PKNOX1: variants seen among roughly 807,000 people sequenced by gnomAD.
The protein encoded by PKNOX1 is PBX/knotted 1 homeobox 1.
PKNOX1 carries 15 observed loss-of-function variants against 51.9 expected under a neutral mutation model. That is an observed-to-expected ratio of 0.29 (90% confidence interval 0.19 to 0.45). The LOEUF is 0.45. PKNOX1 is among the 20% of genes least tolerant of loss of function. The pLI is 1.00. For synonymous variants in PKNOX1, 219 were observed against 211.1 expected (o/e 1.04, Z -0.32); for missense variants, 462 against 547.5 (o/e 0.84, Z 1.56).
chr21:43,004,503 A>G, intron 2 of PKNOX1, 71 bp downstream of exon 2: 1 of 986,030 alleles, frequency 1.0e-6, no homozygotes, highest in Non-Finnish European at 1.6e-6. Context: ...ATTGCTTTGT[A>G]TACTTGCAAT....
chr21:42,996,756 T>C (rs1272381485), intron 1 of PKNOX1, among the ~76,000 whole-genome samples: 2 of 152,136 alleles, frequency 1.3e-5, no homozygotes, highest in South Asian at 2.1e-4. Flanking sequence ...GTTGTAGAGA[T>C]GGGGTCTCGT....
chr21:42,978,528 G>T (rs1279278227), intron 1 of PKNOX1, among the ~76,000 whole-genome samples: 2 of 143,944 alleles, frequency 1.4e-5, no homozygotes, highest in African/African-American at 5.2e-5. Flanking sequence ...CTGTCGCCCA[G>T]GCTAGAGTGC....
Position 43,032,399 on chromosome 21 carries a change from A to C in PKNOX1, c.*2298A>C. ...ATTCACAGAATGTAGACTCATGTAT[A>C]GGTCACCGTTTCTTTCCCCCACTAG... On this transcript the variant is annotated 3_prime_UTR_variant, in exon 11 of 11. Transcript: ENST00000291547. The C allele has an allele frequency of 3.4e-6, 1 of 298,082 alleles. No individual in the cohort carries two copies. The highest frequency in any genetic ancestry group is 6.8e-6 in the Non-Finnish European group (1 of 146,062). 18.5% of individuals were successfully genotyped at this position (298,082 alleles called of 1,614,324 possible).
chr21:42,984,834 GA>G (rs1420429482), intron 1 of PKNOX1, among the ~76,000 whole-genome samples: 1 of 152,180 alleles, frequency 6.6e-6, no homozygotes, highest in Non-Finnish European at 1.5e-5. Context: ...GGAGAGTAGA[GA>G]GGGGTGGCTG....
At chr21:43,015,640 T>G (rs559075937) in intron 5 of PKNOX1, among the ~76,000 whole-genome samples, 70 of 152,338 alleles carry the variant, frequency 4.6e-4, no homozygotes, top group African/African-American at 1.7e-3. Context: ...CTGGAGATTA[T>G]GTAGACTTGG....
chr21:42,991,660 G>A (rs534798114), intron 1 of PKNOX1, among the ~76,000 whole-genome samples: 38 of 152,078 alleles, frequency 2.5e-4, no homozygotes, highest in Admixed American at 2.2e-3. Context: ...CCCCAGAGGC[G>A]GAGGCGGAGC....
At chr21:42,983,651 G>C (rs1238964575) in intron 1 of PKNOX1, among the ~76,000 whole-genome samples, 3 of 152,106 alleles carry the variant, frequency 2.0e-5, no homozygotes, top group Non-Finnish European at 4.4e-5. Context: ...TATAGATCTA[G>C]AAGTGGGATT....
Position 43,030,262 on chromosome 21 carries a change from TGTGTGTGTG to T in PKNOX1, c.*162_*170del. The T allele has an allele frequency of 4.0e-4, 1 of 2,476 alleles. No homozygotes were observed. Among genetic ancestry groups the T allele is most frequent in the Non-Finnish European group, 1.2e-3 (1 of 860 alleles). 0.2% of individuals were successfully genotyped at this position (2,476 alleles called of 1,614,324 possible). On this transcript the variant is annotated 3_prime_UTR_variant, in exon 11 of 11. Transcript: ENST00000291547. The stretch of plus-strand genomic sequence containing the variant: ...TGCCGGTGCAGCGACTTCTTTCAAG[TGTGTGTGTG>T]TGTGTGTGTGTGTGTGTGTGTGCGT...
intron 1 of PKNOX1, among the ~76,000 whole-genome samples, chr21:42,993,985 G>A (rs1201571470): frequency 1.3e-5 from 2 of 148,198 alleles, no homozygotes; most frequent in African/African-American, 5.0e-5. Flanking sequence ...CACTGGCTCA[G>A]CCTCTCAAAG....
rs565327986 is a variant in PKNOX1 at position 43,033,158 on chromosome 21, G to C, written c.*3057G>C. The C allele has an allele frequency of 2.0e-5, 3 of 151,926 alleles. No homozygotes were observed. The highest frequency in any genetic ancestry group is 2.0e-4 in the Admixed American group (3 of 15,244). 9.4% of individuals were successfully genotyped at this position (151,926 alleles called of 1,614,324 possible). ...GCAGGGCTGGCTGTGCTGGGTTCCAGCTCGCTCCCACCGAGGGACTAGCTT... is the reference window on the plus strand; with the variant it reads ...GCAGGGCTGGCTGTGCTGGGTTCCACCTCGCTCCCACCGAGGGACTAGCTT... On this transcript the variant is annotated 3_prime_UTR_variant, in exon 11 of 11. Transcript: ENST00000291547.
At chr21:42,982,519 C>T (rs2059031845) in intron 1 of PKNOX1, among the ~76,000 whole-genome samples, 2 of 151,972 alleles carry the variant, frequency 1.3e-5, no homozygotes, top group Non-Finnish European at 2.9e-5. Flanking sequence ...CACCTGAGGT[C>T]GGGAATTCGA....
In PKNOX1 at chr21:43,031,771, T is replaced by G. The variant is rs1194435187; in HGVS notation, c.*1670T>G. On this transcript the variant is annotated 3_prime_UTR_variant, in exon 11 of 11. Coordinates refer to ENST00000291547, the MANE Select transcript of PKNOX1 (RefSeq NM_004571.5). ...CCCAAAAGAATATATTAATTGAGGT[T>G]AAGAAGTCAGTGGGAAACACACAGA... 6.2e-6 allele frequency: 1 copy of G among 160,400 alleles called. No homozygotes were observed. The highest frequency in any genetic ancestry group is 2.4e-5 in the African/African-American group (1 of 41,688). The allele number at this position is 160,400 out of a possible 1,614,324, so 9.9% of individuals were successfully genotyped here.
At chr21:42,987,215 T>G (rs2059056321) in intron 1 of PKNOX1, among the ~76,000 whole-genome samples, 1 of 151,042 alleles carries the variant, frequency 6.6e-6, no homozygotes, top group Admixed American at 6.6e-5. Context: ...AACTCTTGTC[T>G]CTACTAAAAA....
At chr21:43,001,179 A>AGT (rs1430725010) in intron 1 of PKNOX1, among the ~76,000 whole-genome samples, 1 of 152,150 alleles carries the variant, frequency 6.6e-6, no homozygotes. Flanking sequence ...GAGTTCCTGA[A>AGT]GTGTTTTCCT....
rs1211765277 is a variant in PKNOX1 at position 43,013,139 on chromosome 21, T to C, written c.423T>C (p.Asp141=). Residue 141 remains aspartate (D), a synonymous_variant, in exon 5 of 11, where the codon GAT becomes GAC. Coordinates refer to ENST00000291547, the MANE Select transcript of PKNOX1 (RefSeq NM_004571.5). ...ELEKVNELCK[D]FCSRYIACLK... ...AAAAGGTTAACGAACTCTGCAAAGA[T>C]TTCTGCAGTCGATACATTGCTTGTC... The C allele has an allele frequency of 2.5e-6, 4 of 1,613,894 alleles. No individual in the cohort carries two copies. The highest frequency in any genetic ancestry group is 1.3e-5 in the African/African-American group (1 of 75,036).
chr21:42,975,321 C>T (rs2058989221), intron 1 of PKNOX1, among the ~76,000 whole-genome samples: 1 of 150,546 alleles, frequency 6.6e-6, no homozygotes, highest in African/African-American at 2.4e-5. Flanking sequence ...GGCTCGTGGC[C>T]CTCAGCCGGG....
intron 7 of PKNOX1, 42 bp downstream of exon 7, chr21:43,018,272 G>GC (rs1310796916): frequency 1.6e-6 from 2 of 1,254,808 alleles, no homozygotes. Context: ...GGCGAGTGCT[G>GC]CCCACATAGG....
chr21:43,017,637 CAT>C (rs1187053220), intron 6 of PKNOX1: 2 of 153,284 alleles, frequency 1.3e-5, no homozygotes, highest in Non-Finnish European at 2.9e-5. Context: ...AAATCCTTAA[CAT>C]GTGCTAATTT....
rs71195904 is a variant in PKNOX1 at position 42,984,974 on chromosome 21, C to CTTTTTTTTTT, written c.-57+10328_-57+10337dup. Among the ~76,000 whole-genome samples the CTTTTTTTTTT allele has an allele frequency of 4.3e-4, 25 of 57,994 alleles. 2 individuals are homozygous for CTTTTTTTTTT. The highest frequency in any genetic ancestry group is 1.2e-3 in the Admixed American group (4 of 3,430). 38.0% of individuals were successfully genotyped at this position (57,994 alleles called of 152,430 possible). A position where few individuals can be genotyped will look rare whatever the true frequency, so the allele number is the denominator to read the frequency against. Reference sequence around the variant, plus strand: ...GGGTTAGGGTTCCTCATTTTCTTTTCTTTTTTTTTTTTTTTTTTTTTTTTT... The same window carrying CTTTTTTTTTT: ...GGGTTAGGGTTCCTCATTTTCTTTTCTTTTTTTTTTTTTTTTTTTTTTTTTTTTTTTTTTT... On this transcript the variant is annotated intron_variant, in intron 1 of 10. Coordinates refer to ENST00000291547, the MANE Select transcript of PKNOX1 (RefSeq NM_004571.5).
Sources: allele counts gnomAD v4.1 joint callset (sites outside exome capture counted in the v4.1 genomes callset), GRCh38; gene constraint gnomAD v4.1.1; transcripts MANE v1.5; gene names NCBI Gene and HGNC (gene_info 2026-07-23, HGNC 2026-07-21).